Variants in PVT1 observed in about 807,000 individuals in gnomAD.
PVT1 encodes the protein Pvt1 oncogene, also known as CXCR4/PVT1 fusion.
chr8:127,986,157 G>A (rs930587299), intron 3 of PVT1, among the ~76,000 whole-genome samples: 3 of 152,184 alleles, frequency 2.0e-5, no homozygotes, highest in Non-Finnish European at 4.4e-5. Flanking sequence ...AAGACAATAC[G>A]GCCCTGCCTC....
chr8:127,845,005 G>A (rs1026159238), intron 2 of PVT1, among the ~76,000 whole-genome samples: 5 of 152,162 alleles, frequency 3.3e-5, no homozygotes, highest in Non-Finnish European at 4.4e-5. Flanking sequence ...GAGCTACCAC[G>A]CCCGGCCGGA....
At position 128,026,346 on chromosome 8, in the gene PVT1, CAAAT is replaced by C. The variant is rs200658171; in HGVS notation, n.912+37059_912+37062del. 4.1e-3 allele frequency among the ~76,000 whole-genome samples: 630 copies of C among 151,918 alleles called. 5 individuals carry two copies. The highest frequency in any genetic ancestry group is 0.015 in the African/African-American group (615 of 41,418). On this transcript the variant is annotated intron_variant and non_coding_transcript_variant, in intron 4 of 10. Coordinates refer to ENST00000651587, the Ensembl canonical transcript of PVT1. ...TTTTTTTATTCAAAGGGCTTGTGCT[CAAAT>C]AAAGTGAGAGTAGGGAGAGAGAAAT...
At chr8:127,969,510 T>C (rs1816740245) in intron 3 of PVT1, among the ~76,000 whole-genome samples, 1 of 152,128 alleles carries the variant, frequency 6.6e-6, no homozygotes, top group Admixed American at 6.5e-5. Context: ...ACACTGACCA[T>C]CTGGGGGCTC....
chr8:127,868,422 C>G (rs1015763508), intron 2 of PVT1, among the ~76,000 whole-genome samples: 1 of 152,094 alleles, frequency 6.6e-6, no homozygotes, highest in Non-Finnish European at 1.5e-5. Context: ...GAGTCTCACT[C>G]TATTGCCCAG....
At chr8:127,989,693 T>G (rs1286977852) in intron 4 of PVT1, among the ~76,000 whole-genome samples, 1 of 152,184 alleles carries the variant, frequency 6.6e-6, no homozygotes, top group Non-Finnish European at 1.5e-5. Context: ...CATGAGCTCT[T>G]CCTCCTTTCC....
chr8:128,057,574 G>A (rs35916594), intron 4 of PVT1, among the ~76,000 whole-genome samples: 43,500 of 152,070 alleles, frequency 0.29, 7,213 homozygotes, highest in Middle Eastern at 0.42. Flanking sequence ...ACTGGCTGAC[G>A]TGGGAGGTAC....
intron 3 of PVT1, among the ~76,000 whole-genome samples, chr8:127,957,327 G>A (rs896279411): frequency 6.6e-6 from 1 of 152,138 alleles, no homozygotes; most frequent in Non-Finnish European, 1.5e-5. Context: ...CCAGCACTAT[G>A]CGAGACCGAG....
chr8:127,908,641 C>T (rs1399859723), intron 3 of PVT1, among the ~76,000 whole-genome samples: 2 of 152,160 alleles, frequency 1.3e-5, no homozygotes, highest in African/African-American at 4.8e-5. Flanking sequence ...CATCCAGCCT[C>T]CTGTTCAGTT....
chr8:127,822,877 C>G (rs936845918), intron 2 of PVT1, among the ~76,000 whole-genome samples: 1 of 152,116 alleles, frequency 6.6e-6, no homozygotes, highest in Non-Finnish European at 1.5e-5. Flanking sequence ...AGGACAGCAG[C>G]TGGGTGTAAA....
At chr8:128,057,294 C>T (rs1232669816) in intron 4 of PVT1, among the ~76,000 whole-genome samples, 3 of 152,062 alleles carry the variant, frequency 2.0e-5, no homozygotes, top group Non-Finnish European at 2.9e-5. Flanking sequence ...ATTATTACCC[C>T]GAAGCTAAGG....
chr8:128,066,370 C>T (rs1050451592), intron 4 of PVT1, among the ~76,000 whole-genome samples: 2 of 152,168 alleles, frequency 1.3e-5, no homozygotes, highest in East Asian at 1.9e-4. Flanking sequence ...GAGGCTGCCA[C>T]GTTGGCCTGG....
intron 2 of PVT1, among the ~76,000 whole-genome samples, chr8:127,827,871 C>T (rs1255360600): frequency 1.3e-5 from 2 of 152,072 alleles, no homozygotes; most frequent in African/African-American, 4.8e-5. Flanking sequence ...GGCCCGAAGC[C>T]CCTGTGCCGT....
At chr8:127,858,199 G>T (rs552507659) in intron 2 of PVT1, among the ~76,000 whole-genome samples, 16 of 151,980 alleles carry the variant, frequency 1.1e-4, no homozygotes, top group Non-Finnish European at 1.5e-5. Flanking sequence ...AAGACCAGCC[G>T]GTCCAACATG....
At chr8:127,955,991 G>A (rs952323005) in intron 3 of PVT1, among the ~76,000 whole-genome samples, 4 of 152,270 alleles carry the variant, frequency 2.6e-5, no homozygotes, top group African/African-American at 9.6e-5. Context: ...TAGCTGGGTA[G>A]TTGGCCTCTA....
chr8:127,949,573 A>T (rs1426782943), intron 3 of PVT1, among the ~76,000 whole-genome samples: 2 of 151,388 alleles, frequency 1.3e-5, no homozygotes, highest in African/African-American at 4.9e-5. Flanking sequence ...CCTGGTATTA[A>T]TTGACTTTGG....
chr8:128,005,217 T>G (rs1309997435), intron 4 of PVT1, among the ~76,000 whole-genome samples: 2 of 152,220 alleles, frequency 1.3e-5, no homozygotes, highest in African/African-American at 4.8e-5. Flanking sequence ...ACTACTACAT[T>G]TGTATTGTCT....
At chr8:128,024,578 G>T (rs780201959) in intron 4 of PVT1, among the ~76,000 whole-genome samples, 3 of 152,116 alleles carry the variant, frequency 2.0e-5, no homozygotes, top group Non-Finnish European at 4.4e-5. Flanking sequence ...AGCAAGCCAT[G>T]ATTGTGTCAC....
chr8:127,886,420 C>A (rs61158287), intron 2 of PVT1, among the ~76,000 whole-genome samples: 25,677 of 152,150 alleles, frequency 0.17, 2,765 homozygotes, highest in African/African-American at 0.27. Context: ...TTGCTCCATT[C>A]TCTTCTCTCC....
intron 2 of PVT1, among the ~76,000 whole-genome samples, chr8:127,809,500 A>AGCCCC (rs1446579017): frequency 3.9e-5 from 6 of 152,042 alleles, no homozygotes; most frequent in Non-Finnish European, 8.8e-5. Context: ...GGCTCTATGG[A>AGCCCC]AGGTTTTGAG....
Sources: allele counts gnomAD v4.1 joint callset (sites outside exome capture counted in the v4.1 genomes callset), GRCh38; gene constraint gnomAD v4.1.1; transcripts MANE v1.5; gene names NCBI Gene and HGNC (gene_info 2026-07-23, HGNC 2026-07-21).